The following RNFT2 variants were observed in gnomAD, a reference collection of about 807,000 sequenced individuals.
RNFT2 encodes E3 ubiquitin-protein ligase RNFT2.
A neutral mutation model predicts 53.0 loss-of-function variants in RNFT2; 36 were observed. The ratio of observed to expected loss-of-function variants is 0.68; its 90% CI spans 0.52 to 0.90. RNFT2 has a LOEUF of 0.90. Among genes scored for constraint, RNFT2 ranks in the 40% least tolerant of loss-of-function variants. The pLI is 0.00. For missense variants in RNFT2, 514 were observed against 585.6 expected, an observed-to-expected ratio of 0.88 and a Z score of 1.26; for synonymous variants, 260 against 253.2, an observed-to-expected ratio of 1.03 and a Z score of -0.26.
intron 7 of RNFT2, among the ~76,000 whole-genome samples, chr12:116,803,717 G>A (rs1874915325): frequency 6.6e-6 from 1 of 152,202 alleles, no homozygotes; most frequent in African/African-American, 2.4e-5. Flanking sequence ...CCCCCAGGAT[G>A]TTCTCATAGG....
intron 7 of RNFT2, among the ~76,000 whole-genome samples, chr12:116,827,209 G>T (rs1200834719): frequency 7.1e-6 from 1 of 140,374 alleles, no homozygotes; most frequent in Non-Finnish European, 1.5e-5. Context: ...AACAGGGTGA[G>T]ACTCCATCTC....
At chr12:116,743,965 G>C (rs969481794) in intron 3 of RNFT2, among the ~76,000 whole-genome samples, 3 of 152,124 alleles carry the variant, frequency 2.0e-5, no homozygotes, top group African/African-American at 7.2e-5. Flanking sequence ...GGTGGCTTAT[G>C]CCTGTAATCC....
At chr12:116,763,630 T>A (rs371930702) in intron 5 of RNFT2, among the ~76,000 whole-genome samples, 9 of 114,834 alleles carry the variant, frequency 7.8e-5, no homozygotes, top group African/African-American at 2.5e-4. Flanking sequence ...AAAAAAAAAA[T>A]TAGCTGGATG....
chr12:116,794,672 A>AAGGCAGGGAGGGAGGGAGGG (rs1555262144), intron 7 of RNFT2, among the ~76,000 whole-genome samples: 1 of 59,574 alleles, frequency 1.7e-5, no homozygotes, highest in African/African-American at 9.5e-5. Flanking sequence ...GGGAGGAAGG[A>AAGGCAGGGAGGGAGGGAGGG]AGGGAGGGAG....
chr12:116,816,129 G>T (rs937494866), intron 7 of RNFT2, among the ~76,000 whole-genome samples: 2 of 152,180 alleles, frequency 1.3e-5, no homozygotes, highest in East Asian at 1.9e-4. Flanking sequence ...ACGCCTTTTC[G>T]TAGCTAACAG....
intron 8 of RNFT2, among the ~76,000 whole-genome samples, chr12:116,834,813 CT>C (rs1433523982): frequency 6.7e-6 from 1 of 150,022 alleles, no homozygotes; most frequent in African/African-American, 2.5e-5. Context: ...CAATAGTCAT[CT>C]TCACAAACCC....
chr12:116,762,649 G>A (rs540216368), intron 5 of RNFT2, among the ~76,000 whole-genome samples: 73 of 148,178 alleles, frequency 4.9e-4, no homozygotes, highest in Middle Eastern at 7.0e-3. Context: ...GTGCAATCTC[G>A]GCTCACTGCA....
chr12:116,849,635 G>A lies in RNFT2; in HGVS notation c.*187G>A. On this transcript the variant is annotated 3_prime_UTR_variant, in exon 11 of 11. Coordinates refer to ENST00000257575, the MANE Select transcript of RNFT2 (RefSeq NM_001382266.1). The stretch of plus-strand genomic sequence containing the variant: ...CTTCATCTTCCTCTCTCGTTCTGTG[G>A]TATAGTGCGTGCCTCCTTCCCCTGC... The A allele has an allele frequency of 7.3e-7, 1 of 1,360,822 alleles. No individual in the cohort carries two copies. Among genetic ancestry groups the A allele is most frequent in the Non-Finnish European group, 9.5e-7 (1 of 1,053,954 alleles). 84.3% of individuals were successfully genotyped at this position (1,360,822 alleles called of 1,614,324 possible). A position where few individuals can be genotyped will look rare whatever the true frequency, so the allele number is the denominator to read the frequency against.
At chr12:116,758,141 T>C (rs945881212) in intron 5 of RNFT2, among the ~76,000 whole-genome samples, 13 of 152,244 alleles carry the variant, frequency 8.5e-5, no homozygotes, top group Non-Finnish European at 1.8e-4. Flanking sequence ...TAAGAATAGC[T>C]ACCCCTGCTT....
chr12:116,782,843 C>G (rs967728039), intron 7 of RNFT2, among the ~76,000 whole-genome samples: 1 of 152,170 alleles, frequency 6.6e-6, no homozygotes, highest in Non-Finnish European at 1.5e-5. Context: ...GTGCCCTCCT[C>G]GTACCCTTCT....
At chr12:116,839,068 T>C (rs968555720) in intron 10 of RNFT2, among the ~76,000 whole-genome samples, 1 of 152,256 alleles carries the variant, frequency 6.6e-6, no homozygotes, top group Non-Finnish European at 1.5e-5. Flanking sequence ...CCATAAAGTC[T>C]TTCCTGACTC....
At chr12:116,842,481 T>C (rs1877399277) in intron 10 of RNFT2, among the ~76,000 whole-genome samples, 1 of 152,188 alleles carries the variant, frequency 6.6e-6, no homozygotes, top group Non-Finnish European at 1.5e-5. Context: ...ACCTGTCTGT[T>C]TGCTGTTATG....
intron 5 of RNFT2, among the ~76,000 whole-genome samples, chr12:116,759,360 T>C (rs1301725938): frequency 6.6e-6 from 1 of 152,228 alleles, no homozygotes; most frequent in Non-Finnish European, 1.5e-5. Context: ...CTTTTTCAGG[T>C]AAATCAGGGA....
chr12:116,748,639 C>T (rs1031082789), intron 3 of RNFT2: 2 of 449,912 alleles, frequency 4.4e-6, no homozygotes, highest in African/African-American at 4.0e-5. Context: ...TCACATTACT[C>T]TCTGCCGCCC....
intron 6 of RNFT2, among the ~76,000 whole-genome samples, chr12:116,767,187 G>T (rs1352274113): frequency 6.6e-6 from 1 of 152,094 alleles, no homozygotes; most frequent in African/African-American, 2.4e-5. Context: ...ATTTAACCCA[G>T]TATATCAAAA....
At chr12:116,839,434 T>C (rs1382929885) in intron 10 of RNFT2, among the ~76,000 whole-genome samples, 1 of 141,378 alleles carries the variant, frequency 7.1e-6, no homozygotes, top group African/African-American at 2.9e-5. Flanking sequence ...GGTGGATGGA[T>C]GGATGGATGG....
At chr12:116,807,720 C>G (rs1346475383) in intron 7 of RNFT2, among the ~76,000 whole-genome samples, 2 of 152,118 alleles carry the variant, frequency 1.3e-5, no homozygotes, top group Admixed American at 1.3e-4. Context: ...ACACCCTTGT[C>G]CCCAGCCTCC....
chr12:116,845,559 G>A (rs1228763428), intron 10 of RNFT2, among the ~76,000 whole-genome samples: 1 of 152,072 alleles, frequency 6.6e-6, no homozygotes, highest in East Asian at 1.9e-4. Flanking sequence ...ACTAAAGTTG[G>A]TTGGAAGGCT....
At chr12:116,816,772 G>A (rs1387090081) in intron 7 of RNFT2, among the ~76,000 whole-genome samples, 1 of 152,014 alleles carries the variant, frequency 6.6e-6, no homozygotes, top group Non-Finnish European at 1.5e-5. Context: ...TTTTAAAGTG[G>A]GTAAGCAAAA....
Sources: allele counts gnomAD v4.1 joint callset (sites outside exome capture counted in the v4.1 genomes callset), GRCh38; gene constraint gnomAD v4.1.1; transcripts MANE v1.5; gene names NCBI Gene and HGNC (gene_info 2026-07-23, HGNC 2026-07-21).